Variants in PDK1 observed in about 807,000 individuals in gnomAD.
PDK1 encodes the protein [Pyruvate dehydrogenase (acetyl-transferring)] kinase isozyme 1, mitochondrial.
Under a neutral mutation model 54.2 loss-of-function variants are expected in PDK1, and 39 were observed. The observed-to-expected ratio is 0.72, with a 90% confidence interval of 0.56 to 0.94. The LOEUF (loss-of-function observed/expected upper bound fraction) is 0.94. Among genes scored for constraint, PDK1 ranks in the 40% least tolerant of loss-of-function variants. The pLI is 0.00. For synonymous variants in PDK1, 221 were observed against 207.1 expected (o/e 1.07, Z -0.58); for missense variants, 552 against 566.0 (o/e 0.98, Z 0.25).
the PDK1 span, among the ~76,000 whole-genome samples, chr2:172,703,197 G>A: frequency 1.3e-5 from 2 of 152,070 alleles, no homozygotes; most frequent in African/African-American, 4.8e-5. Flanking sequence ...AAGGGAAGCC[G>A]GCAACCACTG....
chr2:172,683,299 A>C, the PDK1 span, among the ~76,000 whole-genome samples: 35 of 151,186 alleles, frequency 2.3e-4, no homozygotes, highest in Middle Eastern at 0.01. Context: ...GTGAGCTGAG[A>C]TCGCACCACT....
chr2:172,702,006 A>C, the PDK1 span, among the ~76,000 whole-genome samples: 9 of 152,104 alleles, frequency 5.9e-5, no homozygotes, highest in African/African-American at 2.2e-4. Flanking sequence ...TTTTCACTGG[A>C]TATGTTATCT....
the PDK1 span, chr2:172,679,141 T>G: frequency 6.6e-6 from 1 of 152,194 alleles, no homozygotes; most frequent in Admixed American, 6.5e-5. Flanking sequence ...TTCCCTAAAT[T>G]TTTATTCTCA....
chr2:172,632,991 A>AAAAAAAAAAAAAACAAAAAAC, the PDK1 span, among the ~76,000 whole-genome samples: 1 of 147,486 alleles, frequency 6.8e-6, no homozygotes, highest in African/African-American at 2.6e-5. Context: ...AAAAAAAAAA[A>AAAAAAAAAAAAAACAAAAAAC]AAGGAACATA....
the PDK1 span, among the ~76,000 whole-genome samples, chr2:172,649,134 C>G: frequency 6.6e-6 from 1 of 152,196 alleles, no homozygotes; most frequent in East Asian, 1.9e-4. Context: ...TGAGACGAAG[C>G]TTCCAGAGGA....
At chr2:172,687,429 A>G in the PDK1 span, among the ~76,000 whole-genome samples, 2 of 151,948 alleles carry the variant, frequency 1.3e-5, no homozygotes, top group East Asian at 1.9e-4. Context: ...ATCTTTTTAC[A>G]TTTTTAGGGC....
chr2:172,583,116 A>AT (rs1210871245), intron 8 of PDK1, among the ~76,000 whole-genome samples: 1 of 152,024 alleles, frequency 6.6e-6, no homozygotes, highest in East Asian at 1.9e-4. Flanking sequence ...CTTCCTATTC[A>AT]TGTTAACTAG....
chr2:172,662,547 A>T, the PDK1 span, among the ~76,000 whole-genome samples: 1 of 127,562 alleles, frequency 7.8e-6, no homozygotes, highest in Non-Finnish European at 1.7e-5. Flanking sequence ...GCATCTTTCC[A>T]TGTTATTCAG....
At chr2:172,581,070 T>C (rs1689877194) in intron 8 of PDK1, among the ~76,000 whole-genome samples, 1 of 151,950 alleles carries the variant, frequency 6.6e-6, no homozygotes, top group Non-Finnish European at 1.5e-5. Context: ...ATACTTTAAG[T>C]GCATTAATTA....
At position 172,600,366 on chromosome 2, in the gene PDK1, A is replaced by C. The variant is rs1016253229; in HGVS notation, c.*4397A>C. On this transcript the variant is annotated 3_prime_UTR_variant, in exon 11 of 11. Coordinates refer to ENST00000282077, the MANE Select transcript of PDK1 (RefSeq NM_002610.5). ...CCATATGATTATATAACTATAAAAT[A>C]GGATGGGACAGAGAAAAATATGTCT... 1 of 152,254 alleles carries C rather than the reference A, an allele frequency of 6.6e-6. No homozygotes were observed. The highest frequency in any genetic ancestry group is 1.5e-5 in the Non-Finnish European group (1 of 68,040). The allele number at this position is 152,254 out of a possible 1,614,324, so 9.4% of individuals were successfully genotyped here. A position where few individuals can be genotyped will look rare whatever the true frequency, so the allele number is the denominator to read the frequency against.
chr2:172,594,583 T>C (rs1558958943), intron 10 of PDK1, among the ~76,000 whole-genome samples: 1 of 152,216 alleles, frequency 6.6e-6, no homozygotes, highest in Admixed American at 6.5e-5. Flanking sequence ...TGGACAAGCT[T>C]GATCTAGCCT....
At chr2:172,589,914 T>C (rs1335690684) in intron 9 of PDK1, among the ~76,000 whole-genome samples, 1 of 152,202 alleles carries the variant, frequency 6.6e-6, no homozygotes, top group African/African-American at 2.4e-5. Context: ...CGGAATGATA[T>C]GTTTAAGGAA....
At chr2:172,680,132 G>T in the PDK1 span, among the ~76,000 whole-genome samples, 4 of 152,066 alleles carry the variant, frequency 2.6e-5, no homozygotes, top group African/African-American at 4.8e-5. Context: ...CCAAATTCCA[G>T]CCAGGTGCTT....
the PDK1 span, among the ~76,000 whole-genome samples, chr2:172,657,100 T>C: frequency 6.5e-3 from 996 of 152,338 alleles, 10 homozygotes; most frequent in African/African-American, 0.022. Flanking sequence ...CATCCTCCTG[T>C]CTTGCAAATT....
At chr2:172,621,562 A>G in the PDK1 span, among the ~76,000 whole-genome samples, 20 of 146,744 alleles carry the variant, frequency 1.4e-4, no homozygotes, top group East Asian at 3.5e-3. Context: ...ATATGTTTAT[A>G]TATTTATATT....
At chr2:172,648,465 A>G in the PDK1 span, among the ~76,000 whole-genome samples, 3 of 152,198 alleles carry the variant, frequency 2.0e-5, no homozygotes, top group Admixed American at 2.0e-4. Context: ...TGCATTTCCA[A>G]CTGAGGTACT....
chr2:172,656,620 C>T, the PDK1 span, among the ~76,000 whole-genome samples: 1 of 152,094 alleles, frequency 6.6e-6, no homozygotes, highest in Non-Finnish European at 1.5e-5. Flanking sequence ...AAATAGTTCC[C>T]CCATGCGGCT....
At chr2:172,648,072 C>T in the PDK1 span, among the ~76,000 whole-genome samples, 1 of 152,112 alleles carries the variant, frequency 6.6e-6, no homozygotes, top group Non-Finnish European at 1.5e-5. Context: ...TAGAAACTGT[C>T]ATGGATTGAA....
chr2:172,605,017 A>G lies in PDK1; in HGVS notation c.*9048A>G, dbSNP rs1354951668. ...TACATTTGTAGATGCCAGGCTTAAC[A>G]TTCCTGAGGCTCTCAGAGAAAACTT... On this transcript the variant is annotated 3_prime_UTR_variant, in exon 11 of 11. Coordinates refer to ENST00000282077, the MANE Select transcript of PDK1 (RefSeq NM_002610.5). The G allele has an allele frequency of 6.6e-6, 1 of 152,208 alleles. No individual in the cohort carries two copies. Among genetic ancestry groups the G allele is most frequent in the Non-Finnish European group, 1.5e-5 (1 of 68,050 alleles). 9.4% of individuals were successfully genotyped at this position (152,208 alleles called of 1,614,324 possible).
Sources: gnomAD v4.1 joint callset for allele counts (sites outside exome capture counted in the v4.1 genomes callset) on GRCh38, gnomAD v4.1.1 for gene constraint, MANE v1.5 for transcripts, NCBI Gene and HGNC (gene_info 2026-07-23, HGNC 2026-07-21) for gene names.